The following ITPR1 variants were observed in gnomAD, a reference collection of about 807,000 sequenced individuals.
ITPR1 encodes the protein inositol 1,4,5-trisphosphate-gated calcium channel ITPR1.
In ITPR1, 96 loss-of-function variants were observed where a neutral mutation model predicts 318.4. That is an observed-to-expected ratio of 0.30 (90% confidence interval 0.26 to 0.36). The LOEUF (loss-of-function observed/expected upper bound fraction) is 0.36. Among genes scored for constraint, ITPR1 ranks in the 10% least tolerant of loss-of-function variants. The pLI, the probability that ITPR1 is intolerant of heterozygous loss-of-function variation, is 1.00. For synonymous variants in ITPR1, 1,312 were observed against 1,289.9 expected (o/e 1.02, Z -0.37); for missense variants, 2,440 against 3,460.2 (o/e 0.71, Z 7.40).
At chr3:4,553,409 T>C (rs985504638) in intron 4 of ITPR1, among the ~76,000 whole-genome samples, 6 of 152,060 alleles carry the variant, frequency 3.9e-5, no homozygotes, top group African/African-American at 1.2e-4. Flanking sequence ...ACTAAGACAT[T>C]TGAAGTTTGT....
In ITPR1 at chr3:4,710,735, T is replaced by G. The variant is rs1018327653; in HGVS notation, c.4991+262T>G. On this transcript the variant is annotated intron_variant, in intron 38 of 61. Coordinates refer to ENST00000649015, the MANE Select transcript of ITPR1 (RefSeq NM_001378452.1). This position sits in a 1 kb window ranked among gnomAD's most constrained non-coding sequence, Gnocchi z 4.2. ...ACTGCATGCCCATTCATTCATTCAT[T>G]ACAGTGCACCCACCGTGTGCTGTGG... 1.3e-5 allele frequency among the ~76,000 whole-genome samples: 2 copies of G among 152,198 alleles called. No homozygotes were observed. The highest frequency in any genetic ancestry group is 2.9e-5 in the Non-Finnish European group (2 of 68,042).
intron 57 of ITPR1, 151 bp from the exon 58 acceptor site, chr3:4,814,272 G>T: frequency 1.2e-6 from 1 of 865,438 alleles, no homozygotes. Flanking sequence ...TTTAGCTTTT[G>T]AAAGAAAATA....
chr3:4,735,448 G>A, intron 44 of ITPR1, 94 bp downstream of exon 44: 1 of 1,051,236 alleles, frequency 9.5e-7, no homozygotes, highest in South Asian at 1.3e-5. Context: ...ACCAAGCCTT[G>A]TTTGAGAGAC....
chr3:4,660,277 G>A (rs929330106), intron 13 of ITPR1, among the ~76,000 whole-genome samples: 4 of 152,026 alleles, frequency 2.6e-5, no homozygotes, highest in African/African-American at 9.7e-5. Flanking sequence ...TTACCCGTTT[G>A]TGTCCTTGTC....
chr3:4,529,906 G>A (rs1035764992), intron 4 of ITPR1, among the ~76,000 whole-genome samples: 2 of 152,286 alleles, frequency 1.3e-5, no homozygotes, highest in Middle Eastern at 3.4e-3. Context: ...AAACTGACAT[G>A]TAAGATGTTT....
In ITPR1 at chr3:4,683,738, G is replaced by A; in HGVS notation, c.3438G>A (p.Gly1146=). The A allele has an allele frequency of 6.2e-7, 1 of 1,614,006 alleles. No homozygotes were observed. Among genetic ancestry groups the A allele is most frequent in the Non-Finnish European group, 8.5e-7 (1 of 1,179,868 alleles). The part of the protein sequence containing the change: ...VEKSELWVYK[G]QGPDETMDGA... ...AGTCAGAGCTTTGGGTGTACAAAGG[G>A]CAGGGCCCCGATGAGACTATGGATG... Residue 1146 remains glycine, a synonymous_variant, in exon 28 of 62, where the codon GGG becomes GGA. Coordinates refer to ENST00000649015, the MANE Select transcript of ITPR1 (RefSeq NM_001378452.1).
At chr3:4,691,469 T>C in intron 32 of ITPR1, 125 bp downstream of exon 32, 1 of 630,196 alleles carries the variant, frequency 1.6e-6, no homozygotes. Context: ...AAAGTAATTG[T>C]GTGTGCATAT....
intron 10 of ITPR1, among the ~76,000 whole-genome samples, chr3:4,651,916 G>A (rs1228747900): frequency 6.6e-6 from 1 of 152,230 alleles, no homozygotes; most frequent in African/African-American, 2.4e-5. Flanking sequence ...TGTTAACTAG[G>A]AGACTCGATG....
chr3:4,810,520 C>T (rs1473664780), intron 55 of ITPR1, among the ~76,000 whole-genome samples: 1 of 152,224 alleles, frequency 6.6e-6, no homozygotes, highest in African/African-American at 2.4e-5. Flanking sequence ...CTTACCCTCG[C>T]AATGTTAACG....
intron 44 of ITPR1, among the ~76,000 whole-genome samples, chr3:4,755,925 A>G (rs1389262919): frequency 6.6e-6 from 1 of 152,202 alleles, no homozygotes; most frequent in Non-Finnish European, 1.5e-5. Context: ...TTGGAAGTCT[A>G]TGTTATTTCT....
intron 4 of ITPR1, among the ~76,000 whole-genome samples, chr3:4,571,090 A>C (rs75321780): frequency 0.067 from 10,133 of 152,206 alleles, 474 homozygotes; most frequent in Middle Eastern, 0.11. Flanking sequence ...CAAGTCCGTG[A>C]AGCCTTTGTT....
intron 2 of ITPR1, among the ~76,000 whole-genome samples, chr3:4,513,233 C>T (rs903896345): frequency 1.3e-5 from 2 of 152,208 alleles, no homozygotes; most frequent in African/African-American, 4.8e-5. Flanking sequence ...ACCACAGAGG[C>T]CTGTTCTGTT....
At chr3:4,498,995 A>G (rs947031021) in intron 2 of ITPR1, among the ~76,000 whole-genome samples, 2 of 152,234 alleles carry the variant, frequency 1.3e-5, no homozygotes, top group Non-Finnish European at 2.9e-5. Context: ...TTTGTTACTT[A>G]TTACATAAGA....
intron 10 of ITPR1, among the ~76,000 whole-genome samples, chr3:4,650,520 G>A (rs1047533685): frequency 1.3e-5 from 2 of 151,908 alleles, no homozygotes; most frequent in African/African-American, 2.4e-5. Context: ...TAGTGTCTCT[G>A]CCATGCATCC....
chr3:4,811,453 T>A lies in ITPR1; in HGVS notation c.7461T>A (p.Ala2487=), dbSNP rs748799095. 3.1e-6 allele frequency: 5 copies of A among 1,613,372 alleles called. No individual in the cohort carries two copies. Among genetic ancestry groups the A allele is most frequent in the East Asian group, 2.2e-5 (1 of 44,882 alleles). Residue 2487 remains alanine, a synonymous_variant, in exon 56 of 62, where the codon GCT becomes GCA. Coordinates refer to ENST00000649015, the MANE Select transcript of ITPR1 (RefSeq NM_001378452.1). ...TAGATAGGCTGCCCAATGAAACAGCTGTTCCAGGTGGGTTTGGGATCTTCT... is the reference window on the plus strand; with the variant it reads ...TAGATAGGCTGCCCAATGAAACAGCAGTTCCAGGTGGGTTTGGGATCTTCT... ...LEVDRLPNET[A]VPETGESLAS...
chr3:4,814,151 TA>T (rs2049125775), intron 57 of ITPR1: 3 of 437,356 alleles, frequency 6.9e-6, no homozygotes, highest in East Asian at 9.7e-5. Flanking sequence ...GTCTGGGGTT[TA>T]AAACCTGAAA....
chr3:4,548,294 G>A (rs1158401754), intron 4 of ITPR1, among the ~76,000 whole-genome samples: 1 of 152,146 alleles, frequency 6.6e-6, no homozygotes, highest in Non-Finnish European at 1.5e-5. Context: ...TCAAGTTTGG[G>A]TTGGTTATAC....
chr3:4,692,146 A>C (rs1339598386), intron 32 of ITPR1, among the ~76,000 whole-genome samples: 26 of 53,410 alleles, frequency 4.9e-4, no homozygotes, highest in African/African-American at 1.2e-3. Flanking sequence ...TGTCTCTTAG[A>C]AAAAAAATAA....
At chr3:4,560,763 C>A (rs1040514517) in intron 4 of ITPR1, among the ~76,000 whole-genome samples, 4 of 152,158 alleles carry the variant, frequency 2.6e-5, no homozygotes, top group African/African-American at 4.8e-5. Flanking sequence ...CTTAATCTAT[C>A]CCCAAGGTCT....
Sources: allele counts gnomAD v4.1 joint callset (sites outside exome capture counted in the v4.1 genomes callset), GRCh38; gene constraint gnomAD v4.1.1; non-coding constraint Gnocchi (gnomAD v3.1); transcripts MANE v1.5; gene names NCBI Gene and HGNC (gene_info 2026-07-23, HGNC 2026-07-21).